The following DMD variants were observed in gnomAD, a reference collection of about 807,000 sequenced individuals.
The protein encoded by DMD is mutant dystrophin.
Under a neutral mutation model 330.1 loss-of-function variants are expected in DMD, and 63 were observed. The observed-to-expected ratio is 0.19, with a 90% CI of 0.16 to 0.24. DMD has a LOEUF of 0.24. Ranked by LOEUF, DMD falls within the 10% of genes least tolerant of loss-of-function variation. The pLI, the probability that DMD is intolerant of heterozygous loss-of-function variation, is 1.00. For missense variants in DMD, 3,344 were observed against 2,684.1 expected (o/e 1.25, Z -5.43); for synonymous variants, 1,223 against 959.8 (o/e 1.27, Z -5.07).
At chrX:33,279,451 T>G (rs375802449) in intron 1 of DMD, among the ~76,000 whole-genome samples, 65 of 75,715 alleles carry the variant, frequency 8.6e-4, no homozygotes, top group African/African-American at 1.8e-3. Context: ...ACCACAGGGT[T>G]TTTTTTTTTT....
chrX:32,123,889 T>C (rs1225722429), intron 44 of DMD, among the ~76,000 whole-genome samples: 1 of 112,469 alleles, frequency 8.9e-6, no homozygotes, highest in Non-Finnish European at 1.9e-5. Flanking sequence ...ACTATTGATT[T>C]CAATGTTTGA....
At chrX:31,178,452 C>A in intron 70 of DMD, 3 of 930,619 alleles carry the variant, frequency 3.2e-6, no homozygotes, top group South Asian at 4.6e-5. Context: ...TTTTTTCCCC[C>A]TGTGAGATAA....
intron 4 of DMD, among the ~76,000 whole-genome samples, chrX:32,839,108 G>C (rs990433850): frequency 3.6e-5 from 4 of 111,014 alleles, no homozygotes; most frequent in African/African-American, 1.3e-4. Context: ...TTAGACCTGA[G>C]TCCAAATGCC....
chrX:31,201,707 G>A (rs781291210), intron 67 of DMD, among the ~76,000 whole-genome samples: 3 of 111,922 alleles, frequency 2.7e-5, no homozygotes, highest in Non-Finnish European at 5.6e-5. Context: ...GGATGGTGGT[G>A]GCTTCCTGAT....
intron 7 of DMD, among the ~76,000 whole-genome samples, chrX:32,796,089 G>A (rs1307893084): frequency 9.9e-6 from 1 of 101,338 alleles, no homozygotes; most frequent in East Asian, 3.0e-4. Flanking sequence ...TAGAGTATGT[G>A]TCAGCAATGC....
chrX:31,305,935 T>A (rs1475373063), intron 62 of DMD, among the ~76,000 whole-genome samples: 1 of 112,472 alleles, frequency 8.9e-6, no homozygotes, highest in Non-Finnish European at 1.9e-5. Context: ...TACTTTACAT[T>A]GTGAACATTA....
At chrX:32,504,551 C>T (rs749994579) in intron 18 of DMD, among the ~76,000 whole-genome samples, 2 of 110,007 alleles carry the variant, frequency 1.8e-5, no homozygotes, top group African/African-American at 3.3e-5. Context: ...CCCTTGAACC[C>T]GGGAGGCAGA....
chrX:31,471,742 C>T (rs2067318076), intron 59 of DMD, among the ~76,000 whole-genome samples: 1 of 112,373 alleles, frequency 8.9e-6, no homozygotes, highest in Non-Finnish European at 1.9e-5. Flanking sequence ...CATAATCTTA[C>T]AATAGCATAA....
rs181955039 is a variant in DMD at position 31,559,270 on chromosome X, G to A, written c.8218-51817C>T. Among the ~76,000 whole-genome samples, 352 of 111,123 alleles carry A rather than the reference G, an allele frequency of 3.2e-3. 2 individuals are homozygous for A. The highest frequency in any genetic ancestry group is 0.011 in the African/African-American group (334 of 30,566). On this transcript the variant is annotated intron_variant, in intron 55 of 78. Transcript: ENST00000357033. The stretch of plus-strand genomic sequence containing the variant: ...ATTCCTATATTCTTCTCTAGCTATT[G>A]CCTCATTTCTCAAATTCCTTTCATG...
intron 1 of DMD, among the ~76,000 whole-genome samples, chrX:33,061,357 G>A (rs1283203043): frequency 8.9e-6 from 1 of 112,076 alleles, no homozygotes; most frequent in East Asian, 2.8e-4. Context: ...ATAGTATGCA[G>A]ATTTTAAGTG....
rs556833384 is a variant in DMD, at chrX:33,185,845, C to G, written c.31+25437G>C. Among the ~76,000 whole-genome samples, 24 of 112,010 alleles carry G rather than the reference C, an allele frequency of 2.1e-4. 1 individual carries two copies. The South Asian group carries it at 7.1e-3, about 33-fold the overall frequency. On this transcript the variant is annotated intron_variant, in intron 1 of 78. Transcript: ENST00000357033. ...CTTCATTAAACATTAGATAAATGGG[C>G]ATTTATTGACTGCATGTTAAAGAAG... is the stretch of plus-strand genomic sequence containing the variant.
At chrX:31,895,171 T>A (rs1043668630) in intron 47 of DMD, among the ~76,000 whole-genome samples, 7 of 111,537 alleles carry the variant, frequency 6.3e-5, no homozygotes, top group African/African-American at 2.3e-4. Flanking sequence ...AGGGCCTCTG[T>A]CTCCTGGAGA....
At chrX:32,827,675 T>C (rs1271115383) in intron 4 of DMD, among the ~76,000 whole-genome samples, 1 of 107,326 alleles carries the variant, frequency 9.3e-6, no homozygotes, top group African/African-American at 3.4e-5. Context: ...TTTTTTTTTT[T>C]TTGAGGTGGA....
intron 1 of DMD, among the ~76,000 whole-genome samples, chrX:33,056,797 A>G (rs1241530276): frequency 9.0e-6 from 1 of 111,724 alleles, no homozygotes; most frequent in African/African-American, 3.3e-5. Context: ...TATATACCAT[A>G]ATATCCCTTT....
At chrX:32,896,687 G>T (rs758870412) in intron 2 of DMD, among the ~76,000 whole-genome samples, 4 of 112,205 alleles carry the variant, frequency 3.6e-5, no homozygotes, top group African/African-American at 9.7e-5. Context: ...ATGTCTCAAG[G>T]TTACCCAAGT....
At chrX:31,484,587 A>C (rs1382748204) in intron 57 of DMD, among the ~76,000 whole-genome samples, 1 of 111,957 alleles carries the variant, frequency 8.9e-6, no homozygotes, top group Non-Finnish European at 1.9e-5. Flanking sequence ...GCAATTTAGA[A>C]AATGTTAGGA....
intron 15 of DMD, among the ~76,000 whole-genome samples, chrX:32,566,285 G>T (rs1029576530): frequency 8.9e-6 from 1 of 111,987 alleles, no homozygotes; most frequent in Non-Finnish European, 1.9e-5. Context: ...TGACAATCAG[G>T]TACCAGGAGT....
chrX:33,314,515 C>T (rs925490157), intron 1 of DMD, among the ~76,000 whole-genome samples: 8 of 105,737 alleles, frequency 7.6e-5, no homozygotes, highest in Non-Finnish European at 1.4e-4. Context: ...ACCTTGGCCT[C>T]GCAAAGTGTT....
chrX:33,150,019 T>C (rs73190228), intron 1 of DMD, among the ~76,000 whole-genome samples: 6,727 of 111,629 alleles, frequency 0.06, 200 homozygotes, highest in South Asian at 0.19. Flanking sequence ...AATTATATAC[T>C]ACATAATTTG....
Sources: gnomAD v4.1 joint callset for allele counts (sites outside exome capture counted in the v4.1 genomes callset) on GRCh38, gnomAD v4.1.1 for gene constraint, MANE v1.5 for transcripts, NCBI Gene and HGNC (gene_info 2026-07-23, HGNC 2026-07-21) for gene names.